CEP128: variants seen among roughly 807,000 people sequenced by gnomAD.
CEP128 encodes centrosomal protein 128, also known as centrosomal protein 128kDa.
In CEP128, 132 loss-of-function variants were observed where a neutral mutation model predicts 156.7. That is an observed-to-expected ratio of 0.84 (90% CI 0.73 to 0.97). The LOEUF is 0.97. Among genes scored for constraint, CEP128 ranks in the 50% least tolerant of loss-of-function variants. CEP128 has a pLI of 0.00. For missense variants in CEP128, 1,252 were observed against 1,281.9 expected (o/e 0.98, Z 0.36); for synonymous variants, 469 against 448.9 (o/e 1.04, Z -0.57).
At chr14:80,881,360 C>T (rs1209098097) in intron 8 of CEP128, among the ~76,000 whole-genome samples, 1 of 152,044 alleles carries the variant, frequency 6.6e-6, no homozygotes, top group Non-Finnish European at 1.5e-5. Context: ...ACACAACCTA[C>T]AAAGATTGAA....
intron 20 of CEP128, among the ~76,000 whole-genome samples, chr14:80,560,106 AT>A (rs1255398078): frequency 6.6e-6 from 1 of 152,172 alleles, no homozygotes; most frequent in African/African-American, 2.4e-5. Context: ...GACCAAGGCC[AT>A]TTGCCTTTGT....
At chr14:80,561,913 T>TATATATATATATATATATATATATA (rs1566781226) in intron 20 of CEP128, among the ~76,000 whole-genome samples, 7 of 148,398 alleles carry the variant, frequency 4.7e-5, no homozygotes, top group African/African-American at 1.5e-4. Context: ...TATATATATA[T>TATATATATATATATATATATATATA]TTGTTTTGTT....
At chr14:80,619,137 G>C (rs1336066132) in intron 19 of CEP128, among the ~76,000 whole-genome samples, 1 of 151,982 alleles carries the variant, frequency 6.6e-6, no homozygotes, top group African/African-American at 2.4e-5. Flanking sequence ...ATTCCTCTGA[G>C]GCATATGGAA....
chr14:80,611,852 G>A (rs1893006667), intron 19 of CEP128, among the ~76,000 whole-genome samples: 1 of 152,146 alleles, frequency 6.6e-6, no homozygotes, highest in East Asian at 1.9e-4. Context: ...GAGGTCAGGA[G>A]TTCAAGACTA....
At chr14:80,859,804 C>T (rs1440401617) in intron 9 of CEP128, among the ~76,000 whole-genome samples, 2 of 152,100 alleles carry the variant, frequency 1.3e-5, no homozygotes, top group Non-Finnish European at 2.9e-5. Context: ...ATAGGTAAAG[C>T]TCTGAGGACC....
At chr14:80,757,049 C>A in intron 17 of CEP128, 98 bp from the exon 18 acceptor site, 1 of 762,012 alleles carries the variant, frequency 1.3e-6, no homozygotes, top group South Asian at 2.0e-5. Flanking sequence ...GTTTAGTTCC[C>A]CAATTTAAGG....
At chr14:80,651,077 T>A (rs1284556392) in intron 19 of CEP128, among the ~76,000 whole-genome samples, 1 of 152,154 alleles carries the variant, frequency 6.6e-6, no homozygotes, top group East Asian at 1.9e-4. Flanking sequence ...AGGCTGTTAA[T>A]TACTGCCTCA....
chr14:80,831,347 G>C, intron 12 of CEP128, 53 bp from the exon 13 acceptor site: 1 of 1,574,444 alleles, frequency 6.4e-7, no homozygotes, highest in Non-Finnish European at 8.7e-7. Flanking sequence ...ACAGAAGAAT[G>C]TACTTTCAAA....
chr14:80,609,876 A>G (rs1304968146), intron 19 of CEP128, among the ~76,000 whole-genome samples: 1 of 151,308 alleles, frequency 6.6e-6, no homozygotes, highest in Non-Finnish European at 1.5e-5. Context: ...ACACAGTTGG[A>G]AAAAAAAATG....
At position 80,906,041 on chromosome 14, in the gene CEP128, C is replaced by G. The variant is rs748229188; in HGVS notation, c.275G>C (p.Ser92Thr). 13 of 1,609,976 alleles carry G rather than the reference C, an allele frequency of 8.1e-6. No individual in the cohort carries two copies. The East Asian group carries it at 2.9e-4, about 36-fold the overall frequency. Residue 92 changes from serine to threonine, a missense_variant, in exon 5 of 25, where the codon AGT becomes ACT. Coordinates refer to ENST00000555265, the MANE Select transcript of CEP128 (RefSeq NM_152446.5). The part of the protein sequence containing the change: ...SLEQSIDQLR[S>T]QRLLRNSGGR... ...TCCTGAGTTTCTCAATAAACGTTGA[C>G]TCCGGAGTTGGTCGATTGATTGTTC...
At chr14:80,928,222 T>C (rs1325991142) in intron 2 of CEP128, among the ~76,000 whole-genome samples, 1 of 152,166 alleles carries the variant, frequency 6.6e-6, no homozygotes, top group Non-Finnish European at 1.5e-5. Flanking sequence ...TCTGGCAATA[T>C]GAAAGAACAG....
chr14:80,935,626 C>A, intron 2 of CEP128, among the ~76,000 whole-genome samples: 1 of 91,262 alleles, frequency 1.1e-5, no homozygotes, highest in East Asian at 3.3e-4. Flanking sequence ...TTGTTGTATT[C>A]AAGCTATGAG....
At chr14:80,860,490 AAG>A (rs1405716109) in intron 9 of CEP128, among the ~76,000 whole-genome samples, 1 of 152,164 alleles carries the variant, frequency 6.6e-6, no homozygotes, top group Non-Finnish European at 1.5e-5. Context: ...GCATTCTGCA[AAG>A]AGAGAAGAAA....
At chr14:80,835,498 C>T (rs1886026561) in intron 12 of CEP128, among the ~76,000 whole-genome samples, 1 of 152,106 alleles carries the variant, frequency 6.6e-6, no homozygotes, top group Non-Finnish European at 1.5e-5. Context: ...TTCACCAATA[C>T]TTTGAGCATT....
intron 19 of CEP128, among the ~76,000 whole-genome samples, chr14:80,635,154 T>C (rs1396923456): frequency 1.3e-5 from 2 of 152,196 alleles, no homozygotes; most frequent in Admixed American, 6.5e-5. Flanking sequence ...CTTATAGAAA[T>C]GTTTCTGGCT....
chr14:80,557,631 T>C (rs1472278214), intron 21 of CEP128, among the ~76,000 whole-genome samples: 1 of 152,206 alleles, frequency 6.6e-6, no homozygotes, highest in Non-Finnish European at 1.5e-5. Flanking sequence ...ATACTGAAAC[T>C]GAGAATAGTG....
chr14:80,566,283 T>C (rs1412664342), intron 20 of CEP128, among the ~76,000 whole-genome samples: 1 of 152,114 alleles, frequency 6.6e-6, no homozygotes, highest in Non-Finnish European at 1.5e-5. Context: ...AATACAAATA[T>C]ATATATTTTT....
chr14:80,811,476 C>T (rs924655969), intron 13 of CEP128, among the ~76,000 whole-genome samples: 5 of 152,102 alleles, frequency 3.3e-5, no homozygotes, highest in African/African-American at 1.2e-4. Context: ...GATTAAGTCT[C>T]CATCTCATTC....
intron 19 of CEP128, among the ~76,000 whole-genome samples, chr14:80,720,322 C>T (rs1897767788): frequency 1.3e-5 from 2 of 151,982 alleles, no homozygotes; most frequent in East Asian, 3.9e-4. Flanking sequence ...AGTGCACGGT[C>T]CATTGAAAGG....
Sources: gnomAD v4.1 joint callset for allele counts (sites outside exome capture counted in the v4.1 genomes callset) on GRCh38, gnomAD v4.1.1 for gene constraint, MANE v1.5 for transcripts, NCBI Gene and HGNC (gene_info 2026-07-23, HGNC 2026-07-21) for gene names.